Variants in THSD4 observed in about 807,000 individuals in gnomAD.
The protein encoded by THSD4 is thrombospondin type-1 domain-containing protein 4.
A neutral mutation model predicts 119.0 loss-of-function variants in THSD4; 69 were observed. The ratio of observed to expected loss-of-function variants is 0.58; its 90% confidence interval spans 0.48 to 0.71. The LOEUF (loss-of-function observed/expected upper bound fraction) is 0.71, where lower values mean the gene tolerates loss of function less well. Ranked by LOEUF, THSD4 falls within the 30% of genes least tolerant of loss-of-function variation. The pLI is 0.00. For missense variants in THSD4, 1,393 were observed against 1,391.1 expected (o/e 1.00, Z -0.02); for synonymous variants, 524 against 540.4 (o/e 0.97, Z 0.42).
chr15:71,222,128 C>T (rs1266421517), intron 4 of THSD4, among the ~76,000 whole-genome samples: 2 of 152,078 alleles, frequency 1.3e-5, no homozygotes, highest in East Asian at 1.9e-4. Flanking sequence ...TCTTCCCATT[C>T]CCAAAATGTC....
chr15:71,285,853 CAAAAAAAAAAAAA>C (rs11421766), intron 6 of THSD4, among the ~76,000 whole-genome samples: 20 of 67,390 alleles, frequency 3.0e-4, no homozygotes, highest in South Asian at 1.9e-3. Flanking sequence ...GACTCCGTCT[CAAAAAAAAAAAAA>C]AAAAAAAAAA....
At chr15:71,755,905 G>A (rs897777035) in intron 14 of THSD4, among the ~76,000 whole-genome samples, 2 of 152,154 alleles carry the variant, frequency 1.3e-5, no homozygotes, top group African/African-American at 4.8e-5. Context: ...GTCCAGTGAA[G>A]GGAAAGAGCA....
intron 8 of THSD4, among the ~76,000 whole-genome samples, chr15:71,704,741 A>G (rs1373981487): frequency 6.6e-6 from 1 of 152,248 alleles, no homozygotes; most frequent in Non-Finnish European, 1.5e-5. Flanking sequence ...GGTTGGCTAC[A>G]ACCCCTAGCT....
chr15:71,374,817 T>G (rs966837085), intron 6 of THSD4, among the ~76,000 whole-genome samples: 1 of 152,296 alleles, frequency 6.6e-6, no homozygotes, highest in Middle Eastern at 3.4e-3. Flanking sequence ...AGCAAGAGAC[T>G]ATTCACAGAT....
chr15:71,709,441 A>G (rs141607687), intron 8 of THSD4, among the ~76,000 whole-genome samples: 2,146 of 152,248 alleles, frequency 0.014, 52 homozygotes, highest in African/African-American at 0.05. Flanking sequence ...TGTGGAGAAG[A>G]AGGGGCATCA....
intron 7 of THSD4, among the ~76,000 whole-genome samples, chr15:71,503,981 A>G (rs572687132): frequency 6.6e-6 from 1 of 152,378 alleles, no homozygotes; most frequent in Admixed American, 6.5e-5. Context: ...CTCTTCACGC[A>G]GATAGTCTGT....
At chr15:71,566,056 G>A (rs925890888) in intron 7 of THSD4, among the ~76,000 whole-genome samples, 9 of 152,106 alleles carry the variant, frequency 5.9e-5, no homozygotes, top group South Asian at 2.1e-4. Flanking sequence ...CAGGAAATCC[G>A]AGGCCCAAGG....
intron 7 of THSD4, among the ~76,000 whole-genome samples, chr15:71,522,950 G>C (rs1002270297): frequency 1.3e-5 from 2 of 152,174 alleles, no homozygotes; most frequent in Admixed American, 6.5e-5. Flanking sequence ...AGCCTGTCTG[G>C]ATGCCTCCCT....
At chr15:71,529,187 G>A (rs1286568851) in intron 7 of THSD4, among the ~76,000 whole-genome samples, 1 of 152,174 alleles carries the variant, frequency 6.6e-6, no homozygotes, top group African/African-American at 2.4e-5. Context: ...TTAAGTGGTT[G>A]TGTGGAGCTT....
At chr15:71,606,520 G>A (rs971947232) in intron 7 of THSD4, among the ~76,000 whole-genome samples, 1 of 144,532 alleles carries the variant, frequency 6.9e-6, no homozygotes, top group Non-Finnish European at 1.5e-5. Context: ...CATTTCAAAT[G>A]GCAATTGTTT....
At chr15:71,646,009 CCT>C (rs2050962121) in intron 7 of THSD4, among the ~76,000 whole-genome samples, 1 of 152,196 alleles carries the variant, frequency 6.6e-6, no homozygotes, top group Non-Finnish European at 1.5e-5. Context: ...TACCATATTC[CCT>C]GTTTCAATCA....
chr15:71,289,909 C>T (rs753405340), intron 6 of THSD4, among the ~76,000 whole-genome samples: 12 of 152,218 alleles, frequency 7.9e-5, no homozygotes, highest in African/African-American at 2.2e-4. Flanking sequence ...CTGGGATTCA[C>T]TTTTCCATTT....
chr15:71,256,846 C>G, intron 6 of THSD4, 131 bp downstream of exon 6: 1 of 760,962 alleles, frequency 1.3e-6, no homozygotes, highest in Non-Finnish European at 2.1e-6. Flanking sequence ...AGTGTGACTC[C>G]AGGGCAAAGA....
intron 8 of THSD4, among the ~76,000 whole-genome samples, chr15:71,727,553 AATATATATAT>A (rs869196877): frequency 7.3e-5 from 9 of 122,782 alleles, no homozygotes; most frequent in African/African-American, 2.3e-4. Flanking sequence ...AAAAAAAAAA[AATATATATAT>A]ATATATATAT....
chr15:71,251,444 G>A (rs892518381), intron 5 of THSD4, among the ~76,000 whole-genome samples: 1 of 152,154 alleles, frequency 6.6e-6, no homozygotes, highest in Non-Finnish European at 1.5e-5. Flanking sequence ...GTGGTACAGG[G>A]CTTGTTATTC....
At chr15:71,522,151 A>C (rs558133252) in intron 7 of THSD4, among the ~76,000 whole-genome samples, 1 of 152,342 alleles carries the variant, frequency 6.6e-6, no homozygotes, top group South Asian at 2.1e-4. Flanking sequence ...TGTTACCCAG[A>C]GGGACCACCT....
intron 6 of THSD4, among the ~76,000 whole-genome samples, chr15:71,367,085 G>A (rs980967): frequency 0.042 from 6,345 of 152,114 alleles, 167 homozygotes; most frequent in Non-Finnish European, 0.057. Flanking sequence ...TTTGTATAGC[G>A]GTCCTTCAAA....
At chr15:71,121,806 G>A (rs917020321) in intron 1 of THSD4, among the ~76,000 whole-genome samples, 5 of 152,074 alleles carry the variant, frequency 3.3e-5, no homozygotes, top group Non-Finnish European at 5.9e-5. Flanking sequence ...CGTGGAGGCC[G>A]TCTGGCCTGG....
At chr15:71,270,487 C>T (rs1014047483) in intron 6 of THSD4, among the ~76,000 whole-genome samples, 1 of 152,186 alleles carries the variant, frequency 6.6e-6, no homozygotes, top group African/African-American at 2.4e-5. Flanking sequence ...ATTATAGGCA[C>T]AGTTCAAAGT....
Sources: gnomAD v4.1 joint callset for allele counts (sites outside exome capture counted in the v4.1 genomes callset) on GRCh38, gnomAD v4.1.1 for gene constraint, MANE v1.5 for transcripts, NCBI Gene and HGNC (gene_info 2026-07-23, HGNC 2026-07-21) for gene names.